The following ZCCHC7 variants were observed in gnomAD, a reference collection of about 807,000 sequenced individuals.
ZCCHC7 encodes zinc finger CCHC domain-containing protein 7.
In ZCCHC7, 35 loss-of-function variants were observed where a neutral mutation model predicts 52.0. The observed-to-expected ratio is 0.67, with a 90% CI of 0.51 to 0.89. The LOEUF (loss-of-function observed/expected upper bound fraction) is 0.89, where lower values mean the gene tolerates loss of function less well. Among genes scored for constraint, ZCCHC7 ranks in the 40% least tolerant of loss-of-function variants. ZCCHC7 has a pLI of 0.00. For synonymous variants in ZCCHC7, 217 were observed against 221.5 expected (o/e 0.98, Z 0.18); for missense variants, 574 against 649.1 (o/e 0.88, Z 1.26).
intron 2 of ZCCHC7, among the ~76,000 whole-genome samples, chr9:37,175,001 G>A (rs1017112799): frequency 2.0e-5 from 3 of 151,994 alleles, no homozygotes; most frequent in African/African-American, 7.3e-5. Flanking sequence ...GCCGGGCATG[G>A]TGGTACATGC....
At chr9:37,270,948 A>T (rs59607965) in intron 2 of ZCCHC7, among the ~76,000 whole-genome samples, 5,627 of 152,160 alleles carry the variant, frequency 0.037, 330 homozygotes, top group African/African-American at 0.12. Flanking sequence ...TATGAACTCT[A>T]CCTCAGGGTA....
At chr9:37,270,356 C>G (rs941845599) in intron 2 of ZCCHC7, among the ~76,000 whole-genome samples, 1 of 152,180 alleles carries the variant, frequency 6.6e-6, no homozygotes, top group Middle Eastern at 3.4e-3. Flanking sequence ...TGTGAAAAGA[C>G]TCAGATACAC....
chr9:37,131,198 G>A (rs1356047604), intron 2 of ZCCHC7, among the ~76,000 whole-genome samples: 2 of 151,240 alleles, frequency 1.3e-5, no homozygotes, highest in Non-Finnish European at 2.9e-5. Context: ...AAATTAGCCG[G>A]GTGTGGTGGC....
intron 2 of ZCCHC7, among the ~76,000 whole-genome samples, chr9:37,211,797 T>A (rs1824231446): frequency 6.6e-6 from 1 of 151,748 alleles, no homozygotes; most frequent in Non-Finnish European, 1.5e-5. Flanking sequence ...GGGAGGCCAA[T>A]GTGGGCGGAT....
chr9:37,259,556 A>G (rs1826764352), intron 2 of ZCCHC7, among the ~76,000 whole-genome samples: 1 of 152,200 alleles, frequency 6.6e-6, no homozygotes, highest in African/African-American at 2.4e-5. Flanking sequence ...AGAACATTTT[A>G]TAGGCTGTGA....
intron 2 of ZCCHC7, among the ~76,000 whole-genome samples, chr9:37,173,703 T>C (rs1201799949): frequency 6.6e-6 from 1 of 152,238 alleles, no homozygotes; most frequent in African/African-American, 2.4e-5. Context: ...TTGTTAATGG[T>C]ACAGTTGGTA....
chr9:37,126,525 T>C lies in ZCCHC7; in HGVS notation c.193T>C (p.Ser65Pro), dbSNP rs758966370. The C allele has an allele frequency of 3.7e-6, 6 of 1,613,952 alleles. No homozygotes were observed. The highest frequency in any genetic ancestry group is 5.1e-6 in the Non-Finnish European group (6 of 1,180,020). Residue 65 changes from serine (S) to proline (P), a missense_variant, in exon 2 of 9, where the codon TCG becomes CCG. Transcript: ENST00000336755. Reference sequence around the variant, plus strand: ...AAAGAACTCTGGGAATTCGGAATCTTCGAGTAGTAAACCAAATCAGAAGAA... The same window carrying C: ...AAAGAACTCTGGGAATTCGGAATCTCCGAGTAGTAAACCAAATCAGAAGAA... ...EEKNSGNSES[S>P]SSKPNQKKLI... is the part of the protein sequence containing the mutation.
intron 7 of ZCCHC7, among the ~76,000 whole-genome samples, chr9:37,349,917 A>G (rs1322252596): frequency 4.1e-5 from 6 of 145,542 alleles, no homozygotes; most frequent in East Asian, 2.1e-4. Context: ...CCTCCCAAGT[A>G]GCTGGGATTA....
At chr9:37,210,357 A>G (rs1439205639) in intron 2 of ZCCHC7, among the ~76,000 whole-genome samples, 3 of 152,210 alleles carry the variant, frequency 2.0e-5, no homozygotes, top group Non-Finnish European at 4.4e-5. Context: ...AGAAATAACC[A>G]CATCTATGAA....
chr9:37,171,555 C>G (rs1370378526), intron 2 of ZCCHC7, among the ~76,000 whole-genome samples: 3 of 152,024 alleles, frequency 2.0e-5, no homozygotes, highest in Non-Finnish European at 2.9e-5. Flanking sequence ...GTAGCTGGGA[C>G]TACAGGTGCA....
chr9:37,183,003 A>C (rs1378230418), intron 2 of ZCCHC7, among the ~76,000 whole-genome samples: 4 of 152,250 alleles, frequency 2.6e-5, no homozygotes, highest in Admixed American at 6.5e-5. Flanking sequence ...AACTCTAAGC[A>C]GGGTCAGGGG....
chr9:37,140,867 T>C (rs1016343435), intron 2 of ZCCHC7, among the ~76,000 whole-genome samples: 1 of 151,996 alleles, frequency 6.6e-6, no homozygotes, highest in African/African-American at 2.4e-5. Flanking sequence ...GTTAAGATTA[T>C]TTAAACATAG....
intron 6 of ZCCHC7, among the ~76,000 whole-genome samples, chr9:37,335,829 A>G (rs1830624380): frequency 1.3e-5 from 2 of 152,124 alleles, no homozygotes; most frequent in South Asian, 4.1e-4. Flanking sequence ...TCCTTTCCTA[A>G]TGAAAATAAC....
At chr9:37,250,605 C>G (rs1378203200) in intron 2 of ZCCHC7, among the ~76,000 whole-genome samples, 5 of 152,128 alleles carry the variant, frequency 3.3e-5, no homozygotes, top group Non-Finnish European at 1.5e-5. Flanking sequence ...CCTGGCCTCT[C>G]TTCTCTCTCT....
intron 2 of ZCCHC7, among the ~76,000 whole-genome samples, chr9:37,243,575 C>A (rs1345734006): frequency 6.6e-6 from 1 of 151,760 alleles, no homozygotes; most frequent in Non-Finnish European, 1.5e-5. Context: ...TATTCAAGGT[C>A]CTTGCATTCA....
intron 2 of ZCCHC7, among the ~76,000 whole-genome samples, chr9:37,142,063 A>T (rs1367907499): frequency 6.6e-6 from 1 of 151,804 alleles, no homozygotes; most frequent in African/African-American, 2.4e-5. Context: ...TCTGTTTTAC[A>T]GTTGTTTTGT....
intron 2 of ZCCHC7, among the ~76,000 whole-genome samples, chr9:37,154,539 G>A (rs1170227935): frequency 6.6e-6 from 1 of 152,130 alleles, no homozygotes; most frequent in African/African-American, 2.4e-5. Flanking sequence ...TTGGAGTGCA[G>A]GGGTGCCATC....
At chr9:37,125,981 A>G (rs991903661) in intron 1 of ZCCHC7, among the ~76,000 whole-genome samples, 1 of 152,240 alleles carries the variant, frequency 6.6e-6, no homozygotes, top group African/African-American at 2.4e-5. Flanking sequence ...CTAGTTGTGT[A>G]GTTGACTACA....
intron 2 of ZCCHC7, among the ~76,000 whole-genome samples, chr9:37,143,394 A>G (rs985018979): frequency 5.3e-5 from 8 of 151,698 alleles, no homozygotes; most frequent in African/African-American, 1.9e-4. Context: ...TTTTCTGTTC[A>G]GAAAAGTAGG....
Sources: allele counts gnomAD v4.1 joint callset (sites outside exome capture counted in the v4.1 genomes callset), GRCh38; gene constraint gnomAD v4.1.1; transcripts MANE v1.5; gene names NCBI Gene and HGNC (gene_info 2026-07-23, HGNC 2026-07-21).